SRP19: variants seen among roughly 807,000 people sequenced by gnomAD.
SRP19 encodes the protein signal recognition particle 19, also known as signal recognition particle 19 kDa protein.
Under a neutral mutation model 22.4 loss-of-function variants are expected in SRP19, and 11 were observed. The ratio of observed to expected loss-of-function variants is 0.49; its 90% CI spans 0.31 to 0.81. The LOEUF is 0.81. Ranked by LOEUF, SRP19 falls within the 40% of genes least tolerant of loss-of-function variation. SRP19 has a pLI of 0.05. For missense variants in SRP19, 168 were observed against 175.9 expected (o/e 0.96, Z 0.25); for synonymous variants, 61 against 57.6 (o/e 1.06, Z -0.27).
chr5:112,895,508 A>G (rs368636031), downstream of SRP19: 1 of 143,726 alleles, frequency 7.0e-6, no homozygotes, highest in Non-Finnish European at 1.5e-5. Context: ...AAGTGTCCAC[A>G]GTTTTGTACC....
chr5:112,877,102 T>TTTTG (rs1167275635), intron 4 of SRP19: 13 of 152,150 alleles, frequency 8.5e-5, no homozygotes, highest in Non-Finnish European at 1.8e-4. Flanking sequence ...CCAAGAACAA[T>TTTTG]TTTGTTTGCT....
At chr5:112,888,381 G>A (rs868296688) in intron 4 of SRP19, among the ~76,000 whole-genome samples, 2 of 152,186 alleles carry the variant, frequency 1.3e-5, no homozygotes, top group African/African-American at 2.4e-5. Context: ...CTTTGAACTT[G>A]TATAACACTC....
Position 112,868,224 on chromosome 5 carries a change from G to A in SRP19, c.*687G>A. On this transcript the variant is annotated 3_prime_UTR_variant, in exon 5 of 5. Coordinates refer to ENST00000505459, the MANE Select transcript of SRP19 (RefSeq NM_003135.3). ...ATTAACTGTGCTTTAGCACCTTGAGGTACACTTTCCTTCAACAAATGAAAT... is the reference window on the plus strand; with the variant it reads ...ATTAACTGTGCTTTAGCACCTTGAGATACACTTTCCTTCAACAAATGAAAT... 1 of 985,428 alleles carries A rather than the reference G, an allele frequency of 1.0e-6. No individual in the cohort carries two copies. The highest frequency in any genetic ancestry group is 1.2e-6 in the Non-Finnish European group (1 of 829,976). The allele number at this position is 985,428 out of a possible 1,614,324, so 61.0% of individuals were successfully genotyped here.
rs1214555404 is a variant in SRP19, at chr5:112,886,986, T to C, written c.302-4617T>C. The C allele has an allele frequency of 9.1e-6, 14 of 1,539,666 alleles. No homozygotes were observed. In the East Asian group the frequency reaches 3.0e-4, roughly 33 times the overall value. On this transcript the variant is annotated intron_variant, in intron 4 of 4. Coordinates refer to the SRP19 transcript ENST00000391338. ...CCAGTGTGTCACATCTCCTCTCACA[T>C]GTGGGGCCATCTTGTTCCTGAGTCT... is the stretch of plus-strand genomic sequence containing the variant.
chr5:112,873,278 T>C (rs577761388), downstream of SRP19, among the ~76,000 whole-genome samples: 68 of 146,242 alleles, frequency 4.6e-4, no homozygotes, highest in Non-Finnish European at 8.3e-4. Context: ...TTTCTTTTTT[T>C]TTTTTTTTTT....
chr5:112,892,759 C>T (rs1768521165), exon 5 of SRP19: 1 of 1,613,938 alleles, frequency 6.2e-7, no homozygotes, highest in Non-Finnish European at 8.5e-7. Context: ...GAAGATGGGC[C>T]ACCACGACCA....
downstream of SRP19, among the ~76,000 whole-genome samples, chr5:112,872,940 GA>G (rs35382297): frequency 0.53 from 79,946 of 151,892 alleles, 23,897 homozygotes; most frequent in South Asian, 0.72. Flanking sequence ...ATTACCTTTG[GA>G]AGTCATTTTG....
At chr5:112,867,355 T>C (rs1399287247) in intron 4 of SRP19, 49 bp from the exon 5 acceptor site, 3 of 1,577,722 alleles carry the variant, frequency 1.9e-6, no homozygotes, top group African/African-American at 2.7e-5. Flanking sequence ...GATGACTTTT[T>C]ATGTCTTATT....
chr5:112,872,897 A>C (rs1580720447), downstream of SRP19, among the ~76,000 whole-genome samples: 1 of 152,010 alleles, frequency 6.6e-6, no homozygotes. Flanking sequence ...AAATTTCATC[A>C]TTCTACCCTT....
At chr5:112,878,619 TA>T in intron 4 of SRP19, 1 of 988,754 alleles carries the variant, frequency 1.0e-6, no homozygotes, top group East Asian at 2.6e-5. Flanking sequence ...CCTATATATA[TA>T]GACAGTAAAA....
chr5:112,869,566 A>T lies in SRP19; in HGVS notation c.*2029A>T, dbSNP rs1219738438. On this transcript the variant is annotated 3_prime_UTR_variant, in exon 5 of 5. Transcript: ENST00000505459. Reference sequence around the variant, plus strand: ...CCCTATATATACTATGTTTTTGCCTATGTATATATACTTGATATGGTTTGG... The same window carrying T: ...CCCTATATATACTATGTTTTTGCCTTTGTATATATACTTGATATGGTTTGG... The T allele has an allele frequency of 1.3e-5, 2 of 152,216 alleles. No homozygotes were observed. The highest frequency in any genetic ancestry group is 2.1e-4 in the South Asian group (1 of 4,836). The allele number at this position is 152,216 out of a possible 1,614,324, so 9.4% of individuals were successfully genotyped here.
chr5:112,891,845 T>C (rs1374430501), exon 5 of SRP19: 1 of 1,548,918 alleles, frequency 6.5e-7, no homozygotes, highest in Non-Finnish European at 8.9e-7. Flanking sequence ...GAGAAGCTAT[T>C]GGAAAGAGAG....
At chr5:112,892,258 A>C in exon 5 of SRP19, 1 of 1,614,120 alleles carries the variant, frequency 6.2e-7, no homozygotes, top group South Asian at 1.1e-5. Flanking sequence ...TACCCTTCTT[A>C]TTAAGAGCAT....
chr5:112,883,864 C>A lies in SRP19; in HGVS notation c.302-7739C>A, dbSNP rs149761086. Among the ~76,000 whole-genome samples, 562 of 152,244 alleles carry A rather than the reference C, an allele frequency of 3.7e-3. 4 individuals are homozygous for A. The highest frequency in any genetic ancestry group is 0.013 in the African/African-American group (548 of 41,544). ...TGGCAATTTTATCCTTCCATCTGTTCAGGCTAAAAAGCTCGTCCTTGTCCT... is the reference window on the plus strand; with the variant it reads ...TGGCAATTTTATCCTTCCATCTGTTAAGGCTAAAAAGCTCGTCCTTGTCCT... On this transcript the variant is annotated intron_variant, in intron 4 of 4. Transcript: ENST00000391338.
intron 2 of SRP19, among the ~76,000 whole-genome samples, chr5:112,863,142 T>C (rs1767468910): frequency 6.6e-6 from 1 of 152,258 alleles, no homozygotes. Context: ...GATTGCTTTA[T>C]GTTCCCTCTC....
chr5:112,890,122 C>T (rs1768389518), intron 4 of SRP19, among the ~76,000 whole-genome samples: 1 of 149,884 alleles, frequency 6.7e-6, no homozygotes, highest in Non-Finnish European at 1.5e-5. Flanking sequence ...CCACCGCACC[C>T]GGCCACAAAA....
intron 2 of SRP19, among the ~76,000 whole-genome samples, chr5:112,863,335 G>C (rs1561637681): frequency 6.6e-6 from 1 of 152,084 alleles, no homozygotes; most frequent in Non-Finnish European, 1.5e-5. Flanking sequence ...TTTGAATGTA[G>C]TTGAATTTTC....
intron 4 of SRP19, chr5:112,882,069 C>CCTA (rs1218258546): frequency 6.5e-6 from 1 of 153,768 alleles, no homozygotes; most frequent in Non-Finnish European, 1.5e-5. Flanking sequence ...CTGCACCTGA[C>CCTA]CTACTACTCC....
At chr5:112,873,044 G>GTTCCAGTATT (rs1767791567), downstream of SRP19, among the ~76,000 whole-genome samples, 1 of 148,860 alleles carries the variant, frequency 6.7e-6, no homozygotes, top group Non-Finnish European at 1.5e-5. Flanking sequence ...CATGATCCTG[G>GTTCCAGTATT]TTCCAGTATT....
Sources: gnomAD v4.1 joint callset for allele counts (sites outside exome capture counted in the v4.1 genomes callset) on GRCh38, gnomAD v4.1.1 for gene constraint, MANE v1.5 for transcripts, NCBI Gene and HGNC (gene_info 2026-07-23, HGNC 2026-07-21) for gene names.